Variants in KCNH8 observed in about 807,000 individuals in gnomAD.
KCNH8 encodes voltage-gated delayed rectifier potassium channel KCNH8.
In KCNH8, 70 loss-of-function variants were observed where a neutral mutation model predicts 103.6. The ratio of observed to expected loss-of-function variants is 0.68; its 90% CI spans 0.56 to 0.82. The LOEUF (loss-of-function observed/expected upper bound fraction) is 0.82. KCNH8 is among the 40% of genes least tolerant of loss of function. The pLI, the probability that KCNH8 is intolerant of heterozygous loss-of-function variation, is 0.00. For synonymous variants in KCNH8, 498 were observed against 489.4 expected (o/e 1.02, Z -0.23); for missense variants, 1,217 against 1,329.9 (o/e 0.92, Z 1.32).
chr3:19,242,004 G>A (rs1293465849), intron 1 of KCNH8, among the ~76,000 whole-genome samples: 1 of 152,134 alleles, frequency 6.6e-6, no homozygotes, highest in Admixed American at 6.6e-5. Flanking sequence ...CCTGAAATAT[G>A]TAAAACAGGG....
intron 11 of KCNH8, among the ~76,000 whole-genome samples, chr3:19,478,937 C>G (rs1416934347): frequency 6.6e-6 from 1 of 152,132 alleles, no homozygotes; most frequent in African/African-American, 2.4e-5. Flanking sequence ...TAGCGGAGAA[C>G]TGCTGGACAT....
chr3:19,343,861 A>C (rs1213876450), intron 4 of KCNH8, among the ~76,000 whole-genome samples: 3 of 152,086 alleles, frequency 2.0e-5, no homozygotes, highest in African/African-American at 7.2e-5. Context: ...AAGTGCTGCA[A>C]ACCTGGCTGT....
intron 7 of KCNH8, among the ~76,000 whole-genome samples, chr3:19,436,258 G>GT (rs1439976983): frequency 8.5e-5 from 13 of 152,076 alleles, no homozygotes; most frequent in African/African-American, 3.1e-4. Flanking sequence ...TGTTGTGTAT[G>GT]TTTTTTCATT....
intron 1 of KCNH8, among the ~76,000 whole-genome samples, chr3:19,247,492 A>G (rs144329971): frequency 6.6e-6 from 1 of 152,336 alleles, no homozygotes; most frequent in East Asian, 1.9e-4. Flanking sequence ...TGTAAAGGTA[A>G]TTCTGAAAGC....
At chr3:19,295,003 A>G (rs2064977205) in intron 3 of KCNH8, among the ~76,000 whole-genome samples, 1 of 152,210 alleles carries the variant, frequency 6.6e-6, no homozygotes, top group Non-Finnish European at 1.5e-5. Flanking sequence ...CTTTAAGATT[A>G]AAACATCATT....
intron 3 of KCNH8, among the ~76,000 whole-genome samples, chr3:19,294,356 AT>A (rs759333114): frequency 8.5e-5 from 13 of 152,224 alleles, no homozygotes; most frequent in Non-Finnish European, 1.5e-4. Context: ...CATTGTAGTA[AT>A]GTTCCTTTCA....
chr3:19,221,603 A>C (rs1326634896), intron 1 of KCNH8, among the ~76,000 whole-genome samples: 2 of 152,102 alleles, frequency 1.3e-5, no homozygotes, highest in Non-Finnish European at 2.9e-5. Context: ...TTTTTAAAAA[A>C]CATTAAGACT....
At position 19,388,173 on chromosome 3, in the gene KCNH8, A is replaced by G. The variant is rs563426839; in HGVS notation, c.812-2308A>G. ...GGAATTTATCCCCTTTAATTTTATAAAGAACTTATGGGCTTACCTTAGCCT... is the reference window on the plus strand; with the variant it reads ...GGAATTTATCCCCTTTAATTTTATAGAGAACTTATGGGCTTACCTTAGCCT... On this transcript the variant is annotated intron_variant, in intron 5 of 15. Transcript: ENST00000328405. Among the ~76,000 whole-genome samples, 7 of 152,224 alleles carry G rather than the reference A, an allele frequency of 4.6e-5. No homozygotes were observed. The East Asian group carries it at 1.4e-3, about 29-fold the overall frequency.
chr3:19,258,905 TTCTCTCTCTCTCTCTCTCTC>T (rs755488116), intron 2 of KCNH8, among the ~76,000 whole-genome samples: 16 of 43,078 alleles, frequency 3.7e-4, no homozygotes, highest in African/African-American at 1.1e-3. Context: ...TATTTTCTGT[TTCTCTCTCTCTCTCTCTCTC>T]TCTCTCTCTC....
Position 19,482,016 on chromosome 3 carries a change from G to A in KCNH8, c.2040+25034G>A, listed in dbSNP as rs375391061. 7.9e-5 allele frequency among the ~76,000 whole-genome samples: 12 copies of A among 152,142 alleles called. No homozygotes were observed. The South Asian group carries it at 2.5e-3, about 32-fold the overall frequency. ...GCAGACTCACGTCTCCAAAAACCGA[G>A]CTCCCCGAGTGAGCAATTCTTGTCC... On this transcript the variant is annotated intron_variant, in intron 11 of 15. Coordinates refer to ENST00000328405, the MANE Select transcript of KCNH8 (RefSeq NM_144633.3).
At chr3:19,423,272 TTC>T (rs778415497) in intron 7 of KCNH8, among the ~76,000 whole-genome samples, 14 of 152,080 alleles carry the variant, frequency 9.2e-5, no homozygotes, top group Non-Finnish European at 1.5e-4. Flanking sequence ...TTAAAATTAT[TTC>T]TTTTTATTTA....
At chr3:19,357,405 A>G (rs1378083705) in intron 5 of KCNH8, among the ~76,000 whole-genome samples, 1 of 151,728 alleles carries the variant, frequency 6.6e-6, no homozygotes, top group Non-Finnish European at 1.5e-5. Flanking sequence ...TCCTTTTTGG[A>G]TGATATAAAA....
intron 7 of KCNH8, among the ~76,000 whole-genome samples, chr3:19,422,598 C>G (rs2066966934): frequency 6.6e-6 from 1 of 152,090 alleles, no homozygotes; most frequent in Non-Finnish European, 1.5e-5. Context: ...AACCATTCTG[C>G]AAACCCAAAT....
chr3:19,340,963 A>G (rs1159315487), intron 3 of KCNH8, among the ~76,000 whole-genome samples: 4 of 152,164 alleles, frequency 2.6e-5, no homozygotes, highest in South Asian at 4.1e-4. Flanking sequence ...AAAGGAAGCA[A>G]TGTACACTTG....
chr3:19,382,735 A>C (rs1171678879), intron 5 of KCNH8, among the ~76,000 whole-genome samples: 1 of 152,090 alleles, frequency 6.6e-6, no homozygotes, highest in Non-Finnish European at 1.5e-5. Flanking sequence ...GTTGGACTCG[A>C]AATTCTACAC....
At chr3:19,450,869 ACT>A in intron 9 of KCNH8, 1 of 381,732 alleles carries the variant, frequency 2.6e-6, no homozygotes, top group South Asian at 2.9e-5. Flanking sequence ...CCTGACTAGG[ACT>A]CTCTGTGAGA....
At chr3:19,390,375 G>T in intron 5 of KCNH8, 106 bp from the exon 6 acceptor site, 1 of 809,548 alleles carries the variant, frequency 1.2e-6, no homozygotes, top group Non-Finnish European at 2.0e-6. Flanking sequence ...CTGCTTGTTT[G>T]CCTGCCTGTC....
chr3:19,461,841 A>G (rs1339226264), intron 11 of KCNH8, among the ~76,000 whole-genome samples: 1 of 152,030 alleles, frequency 6.6e-6, no homozygotes, highest in African/African-American at 2.4e-5. Context: ...AACAGGCCCC[A>G]GGGTGTGATG....
At chr3:19,500,668 T>C (rs529990674) in intron 11 of KCNH8, among the ~76,000 whole-genome samples, 1 of 152,200 alleles carries the variant, frequency 6.6e-6, no homozygotes, top group African/African-American at 2.4e-5. Flanking sequence ...AACAACCTGC[T>C]CCTCAATGAC....
Sources: gnomAD v4.1 joint callset for allele counts (sites outside exome capture counted in the v4.1 genomes callset) on GRCh38, gnomAD v4.1.1 for gene constraint, MANE v1.5 for transcripts, NCBI Gene and HGNC (gene_info 2026-07-23, HGNC 2026-07-21) for gene names.